The following FAF1 variants were observed in gnomAD, a reference collection of about 807,000 sequenced individuals.
The protein encoded by FAF1 is FAS-associated factor 1.
A neutral mutation model predicts 92.5 loss-of-function variants in FAF1; 25 were observed. The ratio of observed to expected loss-of-function variants is 0.27; its 90% CI spans 0.20 to 0.38. The LOEUF (loss-of-function observed/expected upper bound fraction) is 0.38, where lower values mean the gene tolerates loss of function less well. Among genes scored for constraint, FAF1 ranks in the 10% least tolerant of loss-of-function variants. The pLI, the probability that FAF1 is intolerant of heterozygous loss-of-function variation, is 1.00. For missense variants in FAF1, 636 were observed against 793.3 expected (o/e 0.80, Z 2.38); for synonymous variants, 234 against 273.2 (o/e 0.86, Z 1.42).
intron 1 of FAF1, among the ~76,000 whole-genome samples, chr1:50,952,013 C>T (rs979703575): frequency 6.6e-6 from 1 of 152,174 alleles, no homozygotes; most frequent in Non-Finnish European, 1.5e-5. Flanking sequence ...CAGAAAAGTC[C>T]ATATTTCAAA....
At position 50,861,984 on chromosome 1, in the gene FAF1, T is replaced by C. The variant is rs72904720; in HGVS notation, c.46-3987A>G. 1.9e-4 allele frequency among the ~76,000 whole-genome samples: 29 copies of C among 151,900 alleles called. No individual in the cohort carries two copies. In the South Asian group the frequency reaches 4.3e-3, roughly 23 times the overall value. Reference sequence around the variant, plus strand: ...TCATTTGTTGAAGCCAACCAGACTATTGTATTTTGTTATGATGGACAAATA... The same window carrying C: ...TCATTTGTTGAAGCCAACCAGACTACTGTATTTTGTTATGATGGACAAATA... On this transcript the variant is annotated intron_variant, in intron 1 of 18. Transcript: ENST00000396153.
chr1:50,722,429 A>C (rs1658447982), intron 6 of FAF1, among the ~76,000 whole-genome samples: 1 of 152,102 alleles, frequency 6.6e-6, no homozygotes, highest in African/African-American at 2.4e-5. Context: ...TGGGTGGATC[A>C]TGAGGTCAGG....
At chr1:50,587,883 G>A (rs1391318459) in intron 9 of FAF1, among the ~76,000 whole-genome samples, 1 of 152,134 alleles carries the variant, frequency 6.6e-6, no homozygotes, top group Non-Finnish European at 1.5e-5. Context: ...ACCGTTTAAG[G>A]TAAACATTTA....
At chr1:50,542,609 CAG>C (rs1403626406) in intron 13 of FAF1, among the ~76,000 whole-genome samples, 1 of 152,234 alleles carries the variant, frequency 6.6e-6, no homozygotes, top group Non-Finnish European at 1.5e-5. Flanking sequence ...TGGCATTCAT[CAG>C]AGTTAGATGT....
Position 50,785,132 on chromosome 1 carries a change from CAAAAAAAAAAA to C in FAF1, c.367+2857_367+2867del, listed in dbSNP as rs748061344. Among the ~76,000 whole-genome samples, 32 of 59,136 alleles carry C rather than the reference CAAAAAAAAAAA, an allele frequency of 5.4e-4. No homozygotes were observed. The Admixed American group carries it at 6.1e-3, about 11-fold the overall frequency. The allele number at this position is 59,136 out of a possible 152,430, so 38.8% of individuals were successfully genotyped here. On this transcript the variant is annotated intron_variant, in intron 4 of 18. Coordinates refer to ENST00000396153, the MANE Select transcript of FAF1 (RefSeq NM_007051.3). Reference sequence around the variant, plus strand: ...TGGGTGACAGAGCAAGACCCTATCTCAAAAAAAAAAAAAAAAAAAAAAAGACTTGAAACTAT... The same window carrying C: ...TGGGTGACAGAGCAAGACCCTATCTCAAAAAAAAAAAAGACTTGAAACTAT...
At chr1:50,642,182 A>T (rs1188314974) in intron 8 of FAF1, among the ~76,000 whole-genome samples, 1 of 148,224 alleles carries the variant, frequency 6.7e-6, no homozygotes. Context: ...CAGCCTGGGC[A>T]ACAAAGTGAC....
chr1:50,797,508 G>A (rs1021974403), intron 3 of FAF1, among the ~76,000 whole-genome samples: 2 of 152,014 alleles, frequency 1.3e-5, no homozygotes, highest in African/African-American at 4.8e-5. Flanking sequence ...TAGAACTCCT[G>A]GGCAACATCA....
intron 7 of FAF1, among the ~76,000 whole-genome samples, chr1:50,664,008 T>A (rs1245587946): frequency 6.7e-6 from 1 of 149,804 alleles, no homozygotes; most frequent in Non-Finnish European, 1.5e-5. Context: ...CTTTTTTTTT[T>A]TTTTTTTTTA....
chr1:50,502,528 G>A (rs555485542), intron 15 of FAF1, among the ~76,000 whole-genome samples: 17 of 152,226 alleles, frequency 1.1e-4, no homozygotes, highest in Admixed American at 9.2e-4. Flanking sequence ...TACAGTATTG[G>A]TTTCATTGAC....
intron 7 of FAF1, among the ~76,000 whole-genome samples, chr1:50,671,635 C>T (rs368971716): frequency 2.8e-4 from 43 of 152,184 alleles, no homozygotes; most frequent in East Asian, 2.5e-3. Context: ...AATGTATTCA[C>T]GTAGTAGGTT....
At chr1:50,714,285 T>C (rs1034173196) in intron 6 of FAF1, among the ~76,000 whole-genome samples, 1 of 150,566 alleles carries the variant, frequency 6.6e-6, no homozygotes, top group Non-Finnish European at 1.5e-5. Flanking sequence ...GGTGGATTAC[T>C]TGAGGTCAGA....
intron 10 of FAF1, among the ~76,000 whole-genome samples, chr1:50,584,145 G>A (rs1011201312): frequency 6.6e-6 from 1 of 152,014 alleles, no homozygotes; most frequent in Non-Finnish European, 1.5e-5. Context: ...CTGCCCACAG[G>A]AGTTCTCTAA....
chr1:50,688,326 A>C lies in FAF1; in HGVS notation c.657+17460T>G, dbSNP rs116872937. Among the ~76,000 whole-genome samples, 144 of 152,236 alleles carry C rather than the reference A, an allele frequency of 9.5e-4. 3 individuals carry two copies. The East Asian group carries it at 0.024, about 25-fold the overall frequency. On this transcript the variant is annotated intron_variant, in intron 7 of 18. Coordinates refer to ENST00000396153, the MANE Select transcript of FAF1 (RefSeq NM_007051.3). ...CACAGAATTACCATATGATTCAGCA[A>C]TCCCATTTCTTGGGTGTATACGTAA...
intron 6 of FAF1, among the ~76,000 whole-genome samples, chr1:50,734,908 T>G (rs1355849152): frequency 6.6e-6 from 1 of 151,960 alleles, no homozygotes; most frequent in Admixed American, 6.6e-5. Context: ...GAGTTGAGGG[T>G]AGATATCAGG....
At chr1:50,629,458 C>T (rs1221744257) in intron 8 of FAF1, among the ~76,000 whole-genome samples, 2 of 152,018 alleles carry the variant, frequency 1.3e-5, no homozygotes, top group East Asian at 1.9e-4. Flanking sequence ...TGTGAGCCAC[C>T]GTGCCTGGCC....
At chr1:50,758,133 G>A (rs1306032191) in intron 4 of FAF1, among the ~76,000 whole-genome samples, 2 of 152,300 alleles carry the variant, frequency 1.3e-5, no homozygotes, top group East Asian at 1.9e-4. Flanking sequence ...GGCCAGGCTG[G>A]TCTCAAACTC....
At chr1:50,924,189 A>C (rs1644986766) in intron 1 of FAF1, among the ~76,000 whole-genome samples, 1 of 152,180 alleles carries the variant, frequency 6.6e-6, no homozygotes, top group Non-Finnish European at 1.5e-5. Context: ...CAAAAAACTC[A>C]GAACTGATAA....
At chr1:50,725,148 TTCTATGTGTCTAA>T (rs1171746101) in intron 6 of FAF1, among the ~76,000 whole-genome samples, 3 of 152,206 alleles carry the variant, frequency 2.0e-5, no homozygotes, top group Non-Finnish European at 4.4e-5. Flanking sequence ...GGCTACTGAT[TTCTATGTGTCTAA>T]TCTACTGCTA....
chr1:50,908,656 T>C (rs1644859338), intron 1 of FAF1, among the ~76,000 whole-genome samples: 1 of 152,158 alleles, frequency 6.6e-6, no homozygotes, highest in African/African-American at 2.4e-5. Flanking sequence ...TGATCTTTGT[T>C]GGTTTAAAGT....
Sources: gnomAD v4.1 joint callset for allele counts (sites outside exome capture counted in the v4.1 genomes callset) on GRCh38, gnomAD v4.1.1 for gene constraint, MANE v1.5 for transcripts, NCBI Gene and HGNC (gene_info 2026-07-23, HGNC 2026-07-21) for gene names.